ATP6V1B2: variants seen among roughly 807,000 people sequenced by gnomAD.
The protein encoded by ATP6V1B2 is ATPase H+ transporting V1 subunit B2, also known as V-type proton ATPase subunit B, brain isoform.
Under a neutral mutation model 66.7 loss-of-function variants are expected in ATP6V1B2, and 23 were observed. The observed-to-expected ratio is 0.34, with a 90% confidence interval of 0.25 to 0.49. ATP6V1B2 has a LOEUF of 0.49. Among genes scored for constraint, ATP6V1B2 ranks in the 20% least tolerant of loss-of-function variants. The pLI is 0.99. For missense variants in ATP6V1B2, 478 were observed against 650.8 expected (o/e 0.73, Z 2.89); for synonymous variants, 278 against 236.7 (o/e 1.17, Z -1.60).
intron 12 of ATP6V1B2, among the ~76,000 whole-genome samples, chr8:20,217,704 T>C (rs2072869560): frequency 6.6e-6 from 1 of 152,216 alleles, no homozygotes; most frequent in African/African-American, 2.4e-5. Flanking sequence ...TACAGTTTTA[T>C]GTAGGCTCTG....
chr8:20,200,060 T>C (rs1263514199), intron 1 of ATP6V1B2, among the ~76,000 whole-genome samples: 2 of 151,972 alleles, frequency 1.3e-5, no homozygotes, highest in Admixed American at 6.6e-5. Flanking sequence ...TGGAGTGCAG[T>C]GGTGTGAGCT....
intron 1 of ATP6V1B2, among the ~76,000 whole-genome samples, chr8:20,198,211 A>G (rs2072648576): frequency 1.3e-5 from 2 of 152,216 alleles, no homozygotes; most frequent in South Asian, 4.1e-4. Context: ...AGGATTTGCC[A>G]TGCTTCAGAC....
chr8:20,198,091 C>T (rs991363818), intron 1 of ATP6V1B2, among the ~76,000 whole-genome samples: 2 of 152,186 alleles, frequency 1.3e-5, no homozygotes, highest in Admixed American at 6.5e-5. Context: ...GGCTGCTCCG[C>T]AGAAGGACAC....
intron 12 of ATP6V1B2, 80 bp from the exon 13 acceptor site, chr8:20,218,073 G>C (rs2128886776): frequency 1.3e-6 from 2 of 1,535,866 alleles, no homozygotes; most frequent in East Asian, 2.3e-5. Flanking sequence ...AGGAGAACTA[G>C]AGCAGTACAT....
At position 20,212,043 on chromosome 8, in the gene ATP6V1B2, C is replaced by T. The variant is rs2072800635; in HGVS notation, c.706-59C>T. The T allele has an allele frequency of 4.1e-6, 6 of 1,469,932 alleles. No individual in the cohort carries two copies. In the South Asian group the frequency reaches 5.9e-5, roughly 14 times the overall value. The allele number at this position is 1,469,932 out of a possible 1,614,324, so 91.1% of individuals were successfully genotyped here. ...TTCAAATCTGTAGCTTGGCTTTCAT[C>T]AGAAATAAATGTTAAGGATTTTTCT... is the stretch of plus-strand genomic sequence containing the variant. On this transcript the variant is annotated intron_variant, in intron 7 of 13. Coordinates refer to ENST00000276390, the MANE Select transcript of ATP6V1B2 (RefSeq NM_001693.4).
intron 8 of ATP6V1B2, 59 bp downstream of exon 8, chr8:20,212,258 A>C: frequency 2.6e-6 from 4 of 1,513,286 alleles, no homozygotes; most frequent in African/African-American, 1.4e-5. Flanking sequence ...GTGTGTCTTA[A>C]GGTTGGGGAG....
At chr8:20,205,125 T>A (rs1002929486) in intron 2 of ATP6V1B2, among the ~76,000 whole-genome samples, 1 of 152,236 alleles carries the variant, frequency 6.6e-6, no homozygotes, top group Non-Finnish European at 1.5e-5. Flanking sequence ...ATTAACGTTT[T>A]GTAAAAGAAT....
chr8:20,208,586 G>A (rs2072761335), intron 2 of ATP6V1B2, among the ~76,000 whole-genome samples: 1 of 152,064 alleles, frequency 6.6e-6, no homozygotes, highest in Non-Finnish European at 1.5e-5. Flanking sequence ...TCATTTTTTG[G>A]AGACATGTCT....
At chr8:20,198,311 C>G (rs139278548) in intron 1 of ATP6V1B2, among the ~76,000 whole-genome samples, 6 of 152,308 alleles carry the variant, frequency 3.9e-5, no homozygotes, top group African/African-American at 1.4e-4. Context: ...ATTTACTGAC[C>G]AGTTAACCAA....
rs1167361091 is a variant in ATP6V1B2, at chr8:20,220,898, G to C, written c.*496G>C. The C allele has an allele frequency of 6.6e-6, 1 of 152,646 alleles. No homozygotes were observed. Among genetic ancestry groups the C allele is most frequent in the East Asian group, 1.9e-4 (1 of 5,192 alleles). 9.5% of individuals were successfully genotyped at this position (152,646 alleles called of 1,614,324 possible). A position where few individuals can be genotyped will look rare whatever the true frequency, so the allele number is the denominator to read the frequency against. On this transcript the variant is annotated 3_prime_UTR_variant, in exon 14 of 14. Transcript: ENST00000276390. Reference sequence around the variant, plus strand: ...GCCTGTATTGCTGGGCTGTGCTGCTGCTCGAAGCAGATGGTTTTGACTGTC... The same window carrying C: ...GCCTGTATTGCTGGGCTGTGCTGCTCCTCGAAGCAGATGGTTTTGACTGTC...
Position 20,201,509 on chromosome 8 carries a change from ATTGTCTTT to A in ATP6V1B2, c.137-2969_137-2962del, listed in dbSNP as rs528295924. ...GGAGAAGAGCTGTAGTTTTATACAAATTGTCTTTTTGTCCCCACTTGTAGTCCAAGTGC... is the reference window on the plus strand; with the variant it reads ...GGAGAAGAGCTGTAGTTTTATACAAATTGTCCCCACTTGTAGTCCAAGTGC... On this transcript the variant is annotated intron_variant, in intron 1 of 13. Coordinates refer to ENST00000276390, the MANE Select transcript of ATP6V1B2 (RefSeq NM_001693.4). Among the ~76,000 whole-genome samples, 39 of 152,202 alleles carry A rather than the reference ATTGTCTTT, an allele frequency of 2.6e-4. No individual in the cohort carries two copies. The South Asian group carries it at 8.1e-3, about 32-fold the overall frequency.
intron 1 of ATP6V1B2, among the ~76,000 whole-genome samples, chr8:20,203,722 G>A (rs1311436046): frequency 1.3e-5 from 2 of 152,172 alleles, no homozygotes; most frequent in South Asian, 4.1e-4. Flanking sequence ...AGGTGTGATA[G>A]GTGAGGGCTT....
At position 20,210,580 on chromosome 8, in the gene ATP6V1B2, A is replaced by G. The variant is rs368697683; in HGVS notation, c.397A>G (p.Asn133Asp). ...TTACTGATTTCTAGGTCGGGTATTC[A>G]ATGGATCGGGAAAACCCATTGACAG... ...VSEDMLGRVF[N>D]GSGKPIDRGP... The change falls in exon 5 of 14, where the codon AAT becomes GAT. Residue 133 changes from asparagine (N) to aspartate (D), a missense_variant. By Grantham distance (23) the Asn-to-Asp change is conservative. This residue lies in a region of ATP6V1B2 where 326 missense variants were observed against 545.6 expected (regional missense o/e 0.60). Coordinates refer to ENST00000276390, the MANE Select transcript of ATP6V1B2 (RefSeq NM_001693.4). 26 of 1,613,676 alleles carry G rather than the reference A, an allele frequency of 1.6e-5. 1 individual carries two copies. The African/African-American group carries it at 3.2e-4, about 20-fold the overall frequency.
intron 3 of ATP6V1B2, among the ~76,000 whole-genome samples, chr8:20,210,112 A>G (rs2072778406): frequency 6.7e-6 from 1 of 149,110 alleles, no homozygotes; most frequent in Non-Finnish European, 1.5e-5. Flanking sequence ...ATATTTATGT[A>G]TGTGTATATA....
Position 20,197,405 on chromosome 8 carries a change from A to G in ATP6V1B2, c.-2A>G. 1 of 1,539,996 alleles carries G rather than the reference A, an allele frequency of 6.5e-7. No individual in the cohort carries two copies. The highest frequency in any genetic ancestry group is 8.7e-7 in the Non-Finnish European group (1 of 1,144,610). The stretch of plus-strand genomic sequence containing the variant: ...TGGGCCAGTCGGGACAGAGGAGACA[A>G]GATGGCGCTGCGGGCGATGCGGGGG... On this transcript the variant is annotated 5_prime_UTR_variant, in exon 1 of 14. Coordinates refer to ENST00000276390, the MANE Select transcript of ATP6V1B2 (RefSeq NM_001693.4).
chr8:20,198,867 G>A (rs1321605421), intron 1 of ATP6V1B2, among the ~76,000 whole-genome samples: 1 of 152,212 alleles, frequency 6.6e-6, no homozygotes, highest in Admixed American at 6.5e-5. Flanking sequence ...ACTTATCTGA[G>A]CTGAAGTAGC....
intron 1 of ATP6V1B2, among the ~76,000 whole-genome samples, chr8:20,202,910 TATTTCTA>T (rs2072701513): frequency 6.6e-6 from 1 of 152,210 alleles, no homozygotes; most frequent in Admixed American, 6.5e-5. Context: ...CAAGAAAACA[TATTTCTA>T]ATGTAGCTCA....
At position 20,220,448 on chromosome 8, in the gene ATP6V1B2, GT is replaced by G; in HGVS notation, c.*50del. On this transcript the variant is annotated 3_prime_UTR_variant, in exon 14 of 14. Transcript: ENST00000276390. Reference sequence around the variant, plus strand: ...CGCGCTCTTGTGAAATACTGGTTCTGTTTTCTTTATTCCTTTTGCACTCTCG... The same window carrying G: ...CGCGCTCTTGTGAAATACTGGTTCTGTTTCTTTATTCCTTTTGCACTCTCG... 6.7e-7 allele frequency: 1 copy of G among 1,494,136 alleles called. No individual in the cohort carries two copies. 92.6% of individuals were successfully genotyped at this position (1,494,136 alleles called of 1,614,324 possible).
intron 6 of ATP6V1B2, 36 bp from the exon 7 acceptor site, chr8:20,211,616 T>G: frequency 6.4e-7 from 1 of 1,558,390 alleles, no homozygotes; most frequent in Non-Finnish European, 8.7e-7. Context: ...AATGTTATTT[T>G]AGATTTCAAC....
Sources: gnomAD v4.1 joint callset for allele counts (sites outside exome capture counted in the v4.1 genomes callset) on GRCh38, gnomAD v4.1.1 for gene constraint, gnomAD v4.1.1 regional missense constraint, MANE v1.5 for transcripts, NCBI Gene and HGNC (gene_info 2026-07-23, HGNC 2026-07-21) for gene names.